Variants in C8orf33 observed in about 807,000 individuals in gnomAD.
The protein encoded by C8orf33 is UPF0488 protein C8orf33.
In C8orf33, 28 loss-of-function variants were observed where a neutral mutation model predicts 25.7. The observed-to-expected ratio is 1.09, with a 90% CI of 0.81 to 1.49. The LOEUF is 1.49. Among genes scored for constraint, C8orf33 ranks in the 40% most tolerant of loss-of-function variants. The pLI is 0.00. For missense variants in C8orf33, 369 were observed against 294.4 expected (o/e 1.25, Z -1.85); for synonymous variants, 153 against 115.9 (o/e 1.32, Z -2.06).
Position 145,053,400 on chromosome 8 carries a change from G to T in C8orf33, c.507G>T (p.Gln169His), listed in dbSNP as rs779794724. 1 of 1,614,256 alleles carries T rather than the reference G, an allele frequency of 6.2e-7. No homozygotes were observed. The highest frequency in any genetic ancestry group is 8.5e-7 in the Non-Finnish European group (1 of 1,180,040). Residue 169 changes from glutamine (Q) to histidine (H), a missense_variant, in exon 4 of 5, where the codon CAG becomes CAT. By Grantham distance (24) the Gln-to-His change is conservative. Transcript: ENST00000331434. The part of the protein sequence containing the change: ...MHSLFGDYRA[Q>H]MEAEWREALR... ...CCTTGTTTGGAGACTATAGGGCTCA[G>T]ATGGAAGCCGAATGGCGTGAGGCCC...
intron 4 of C8orf33, 87 bp downstream of exon 4, chr8:145,053,530 C>A: frequency 7.2e-7 from 1 of 1,388,458 alleles, no homozygotes; most frequent in Middle Eastern, 2.3e-4. Context: ...CCCAGAGCAA[C>A]AAGCCTGGTG....
In C8orf33 at chr8:145,053,328, G is replaced by A; in HGVS notation, c.435G>A (p.Leu145=). The A allele has an allele frequency of 6.2e-7, 1 of 1,614,214 alleles. No individual in the cohort carries two copies. Among genetic ancestry groups the A allele is most frequent in the Non-Finnish European group, 8.5e-7 (1 of 1,180,020 alleles). ...AGGCTATTGGAGCAATCCGAACCCT[G>A]CGCAGCAAAAGAACGCCCTTGCCCC... is the stretch of plus-strand genomic sequence containing the variant. The part of the protein sequence containing the change: ...KEQAIGAIRT[L]RSKRTPLPRK... The change falls in exon 4 of 5, where the codon CTG becomes CTA. Residue 145 remains leucine, a synonymous_variant. Coordinates refer to ENST00000331434, the MANE Select transcript of C8orf33 (RefSeq NM_023080.3).
At chr8:145,053,475 G>T in intron 4 of C8orf33, 32 bp downstream of exon 4, 3 of 1,610,302 alleles carry the variant, frequency 1.9e-6, no homozygotes, top group Non-Finnish European at 2.5e-6. Context: ...GATTCAGGAA[G>T]GCCTAACTTA....
Position 145,053,166 on chromosome 8 carries a change from A to T in C8orf33, c.403+20A>T, listed in dbSNP as rs1241641892. 3 of 1,614,054 alleles carry T rather than the reference A, an allele frequency of 1.9e-6. No individual in the cohort carries two copies. Among genetic ancestry groups the T allele is most frequent in the South Asian group, 2.2e-5 (2 of 91,088 alleles). On this transcript the variant is annotated intron_variant, in intron 3 of 4. Coordinates refer to ENST00000331434, the MANE Select transcript of C8orf33 (RefSeq NM_023080.3). Reference sequence around the variant, plus strand: ...AACAGAGTAAGGGACCCTTCTGTAGAGCTGGGGGATGTGAACAGTGGCACT... The same window carrying T: ...AACAGAGTAAGGGACCCTTCTGTAGTGCTGGGGGATGTGAACAGTGGCACT...
chr8:145,053,759 A>G (rs1048157648), intron 4 of C8orf33: 5 of 588,452 alleles, frequency 8.5e-6, no homozygotes, highest in South Asian at 8.3e-5. Flanking sequence ...GCCATATCCC[A>G]TAACAGTTTG....
rs765374384 is a variant in C8orf33 at position 145,052,478 on chromosome 8, G to A, written c.-14G>A. The A allele has an allele frequency of 1.3e-6, 2 of 1,597,906 alleles. No homozygotes were observed. Among genetic ancestry groups the A allele is most frequent in the East Asian group, 4.5e-5 (2 of 44,804 alleles). ...ACTCTGCGCCCCGCGTAGTTCCGGT[G>A]GCGACTGCGGCGCATGGCGGTGAGC... is the stretch of plus-strand genomic sequence containing the variant. On this transcript the variant is annotated 5_prime_UTR_variant, in exon 1 of 5. Coordinates refer to ENST00000331434, the MANE Select transcript of C8orf33 (RefSeq NM_023080.3).
chr8:145,052,840 C>A lies in C8orf33; in HGVS notation c.261C>A (p.Gly87=). 6.2e-7 allele frequency: 1 copy of A among 1,613,904 alleles called. No homozygotes were observed. The highest frequency in any genetic ancestry group is 8.5e-7 in the Non-Finnish European group (1 of 1,179,984). ...ACAGGGCCTCTGTGGCAAATGGAGG[C>A]GAGAAGGCCTCAGAGAAACTCGCCC... ...TRNRASVANG[G]EKASEKLAPE... The change falls in exon 2 of 5, where the codon GGC becomes GGA. Residue 87 remains glycine (G), a synonymous_variant. Transcript: ENST00000331434.
rs78900074 is a variant in C8orf33, at chr8:145,055,506, A to C, written c.*1349A>C. On this transcript the variant is annotated 3_prime_UTR_variant, in exon 5 of 5. Transcript: ENST00000331434. ...AAGTGGACCATGGTCTAGCAGTAGCATCAGTGTCAAGGAAAAACACCCACT... is the reference window on the plus strand; with the variant it reads ...AAGTGGACCATGGTCTAGCAGTAGCCTCAGTGTCAAGGAAAAACACCCACT... The C allele has an allele frequency of 5.9e-6, 1 of 169,900 alleles. No homozygotes were observed. Among genetic ancestry groups the C allele is most frequent in the Non-Finnish European group, 1.2e-5 (1 of 80,092 alleles). 10.5% of individuals were successfully genotyped at this position (169,900 alleles called of 1,614,324 possible). A position where few individuals can be genotyped will look rare whatever the true frequency, so the allele number is the denominator to read the frequency against.
rs1835302059 is a variant in C8orf33 at position 145,053,057 on chromosome 8, C to T, written c.319-5C>T. The T allele has an allele frequency of 1.2e-6, 2 of 1,614,052 alleles. No homozygotes were observed. Among genetic ancestry groups the T allele is most frequent in the African/African-American group, 2.7e-5 (2 of 74,910 alleles). On this transcript the variant is annotated splice_polypyrimidine_tract_variant and splice_region_variant and intron_variant, in intron 2 of 4. Coordinates refer to ENST00000331434, the MANE Select transcript of C8orf33 (RefSeq NM_023080.3). ...CTCACAGCCACTTCCCCAAATCCAT[C>T]ACAGGCACAACAGTTGGCCCAGGAA...
At chr8:145,053,969 T>G in intron 4 of C8orf33, 49 bp from the exon 5 acceptor site, 7 of 1,596,208 alleles carry the variant, frequency 4.4e-6, no homozygotes, top group Non-Finnish European at 6.0e-6. Context: ...ACAGGTAATG[T>G]TAATTGTTAT....
rs201350395 is a variant in C8orf33, at chr8:145,052,575, C to G, written c.7-11C>G. 23 of 1,603,012 alleles carry G rather than the reference C, an allele frequency of 1.4e-5. No homozygotes were observed. The highest frequency in any genetic ancestry group is 3.3e-4 in the Middle Eastern group (2 of 6,038). ...CTCTCGGTGACCCTCGTGCTACCCC[C>G]CTTTCTCCAGGCCCTGGGACATCTT... On this transcript the variant is annotated splice_polypyrimidine_tract_variant and intron_variant, in intron 1 of 4. Coordinates refer to ENST00000331434, the MANE Select transcript of C8orf33 (RefSeq NM_023080.3).
intron 3 of C8orf33, 23 bp from the exon 4 acceptor site, chr8:145,053,274 T>C: frequency 6.2e-7 from 1 of 1,613,972 alleles, no homozygotes; most frequent in Non-Finnish European, 8.5e-7. Context: ...AGGTGTTCAC[T>C]AGTCCTTTAT....
In C8orf33 at chr8:145,055,096, C is replaced by G. The variant is rs1182408293; in HGVS notation, c.*939C>G. ...TTAGGCTCCGGTTTTCCTTTGGCTT[C>G]TGCTTTTCAGTGAATGGCATGACTG... On this transcript the variant is annotated 3_prime_UTR_variant, in exon 5 of 5. Transcript: ENST00000331434. 1 of 152,104 alleles carries G rather than the reference C, an allele frequency of 6.6e-6. No homozygotes were observed. The highest frequency in any genetic ancestry group is 1.5e-5 in the Non-Finnish European group (1 of 68,040). 9.4% of individuals were successfully genotyped at this position (152,104 alleles called of 1,614,324 possible).
Position 145,053,361 on chromosome 8 carries a change from G to GC in C8orf33, c.469dup (p.Gln157ProfsTer11). The GC allele has an allele frequency of 1.2e-6, 2 of 1,614,232 alleles. No homozygotes were observed. Among genetic ancestry groups the GC allele is most frequent in the African/African-American group, 1.3e-5 (1 of 75,050 alleles). On this transcript the variant is annotated frameshift_variant, in exon 4 of 5. Transcript: ENST00000331434. LOFTEE classifies it high-confidence loss of function. Reference sequence around the variant, plus strand: ...AAAGAACGCCCTTGCCCCGGAAGAGGCAGCTGATGCACTCCTTGTTTGGAG... The same window carrying GC: ...AAAGAACGCCCTTGCCCCGGAAGAGGCCAGCTGATGCACTCCTTGTTTGGAG...
chr8:145,054,214 T>G lies in C8orf33; in HGVS notation c.*57T>G. The G allele has an allele frequency of 1.3e-6, 2 of 1,586,042 alleles. No individual in the cohort carries two copies. The highest frequency in any genetic ancestry group is 1.7e-6 in the Non-Finnish European group (2 of 1,163,588). On this transcript the variant is annotated 3_prime_UTR_variant, in exon 5 of 5. Transcript: ENST00000331434. The stretch of plus-strand genomic sequence containing the variant: ...CTTGGGGTGGTGTAGGGGTTTGTTT[T>G]GAGTGCAGAGCCTTTCCAGGACTTC...
At chr8:145,053,034 C>G in intron 2 of C8orf33, 28 bp from the exon 3 acceptor site, 1 of 1,613,958 alleles carries the variant, frequency 6.2e-7, no homozygotes, top group East Asian at 2.2e-5. Flanking sequence ...AGTGCCCTCT[C>G]ACAGCCACTT....
Position 145,053,146 on chromosome 8 carries a change from A to C in C8orf33, c.403A>C (p.Lys135Gln). 6.2e-7 allele frequency: 1 copy of C among 1,614,186 alleles called. No individual in the cohort carries two copies. Among genetic ancestry groups the C allele is most frequent in the Non-Finnish European group, 8.5e-7 (1 of 1,180,030 alleles). ...GAGGCAGAAACCCACCCCGAAACAG[A>C]GTAAGGGACCCTTCTGTAGAGCTGG... ...LKRQKPTPKQ[K>Q]EQAIGAIRTL... is the part of the protein sequence containing the mutation. The change falls in exon 3 of 5, where the codon AAA becomes CAA. Residue 135 changes from lysine (K) to glutamine (Q), a missense_variant and splice_region_variant. Lys to Gln is a moderately conservative substitution (Grantham distance 53). Coordinates refer to ENST00000331434, the MANE Select transcript of C8orf33 (RefSeq NM_023080.3).
chr8:145,053,454 A>G lies in C8orf33; in HGVS notation c.550+11A>G. 6.2e-7 allele frequency: 1 copy of G among 1,613,688 alleles called. No individual in the cohort carries two copies. ...GGGCTCTCAGAGCTGGTGAGGAGCT[A>G]GCCACTGGTTGATTCAGGAAGGCCT... On this transcript the variant is annotated intron_variant, in intron 4 of 4. Transcript: ENST00000331434.
Position 145,054,358 on chromosome 8 carries a change from T to C in C8orf33, c.*201T>C, listed in dbSNP as rs1027767506. On this transcript the variant is annotated 3_prime_UTR_variant, in exon 5 of 5. Coordinates refer to ENST00000331434, the MANE Select transcript of C8orf33 (RefSeq NM_023080.3). ...CCCCGTTCGTTTTCTGATGAAATGT[T>C]CTCTCTTTCAGAAGAGAGAGAGAGG... 2 of 518,242 alleles carry C rather than the reference T, an allele frequency of 3.9e-6. No individual in the cohort carries two copies. The highest frequency in any genetic ancestry group is 6.8e-6 in the Non-Finnish European group (2 of 294,214). 32.1% of individuals were successfully genotyped at this position (518,242 alleles called of 1,614,324 possible). A position where few individuals can be genotyped will look rare whatever the true frequency, so the allele number is the denominator to read the frequency against.
Sources: gnomAD v4.1 joint callset for allele counts on GRCh38, gnomAD v4.1.1 for gene constraint, MANE v1.5 for transcripts, NCBI Gene and HGNC (gene_info 2026-07-23, HGNC 2026-07-21) for gene names.